The following SEMA3E variants were observed in gnomAD, a reference collection of about 807,000 sequenced individuals.
SEMA3E encodes semaphorin-3E.
A neutral mutation model predicts 93.6 loss-of-function variants in SEMA3E; 49 were observed. The ratio of observed to expected loss-of-function variants is 0.52; its 90% CI spans 0.42 to 0.66. SEMA3E has a LOEUF of 0.66. Among genes scored for constraint, SEMA3E ranks in the 30% least tolerant of loss-of-function variants. The pLI is 0.00. For missense variants in SEMA3E, 906 were observed against 964.8 expected (o/e 0.94, Z 0.81); for synonymous variants, 363 against 330.7 (o/e 1.10, Z -1.06).
intron 4 of SEMA3E, among the ~76,000 whole-genome samples, chr7:83,453,090 C>T (rs1192264673): frequency 6.6e-6 from 1 of 152,098 alleles, no homozygotes; most frequent in Non-Finnish European, 1.5e-5. Flanking sequence ...TGCAGTGGCG[C>T]AATCTCGGCT....
intron 10 of SEMA3E, among the ~76,000 whole-genome samples, chr7:83,400,948 T>C (rs201186258): frequency 2.0e-3 from 310 of 152,228 alleles, no homozygotes; most frequent in African/African-American, 7.1e-3. Flanking sequence ...TATGATAATA[T>C]GATCAGTGAT....
At chr7:83,469,362 A>T (rs1276868022) in intron 2 of SEMA3E, 60 bp from the exon 3 acceptor site, 1 of 1,213,482 alleles carries the variant, frequency 8.2e-7, no homozygotes, top group African/African-American at 1.5e-5. Context: ...CCACACTGAA[A>T]ACCATTTCAC....
intron 14 of SEMA3E, 113 bp from the exon 15 acceptor site, chr7:83,387,163 A>G (rs184784601): frequency 2.4e-6 from 2 of 849,348 alleles, no homozygotes; most frequent in Admixed American, 4.4e-5. Flanking sequence ...AAAAATGATC[A>G]TTCATATGAA....
At chr7:83,613,032 A>AT (rs1793297266) in intron 1 of SEMA3E, among the ~76,000 whole-genome samples, 1 of 152,098 alleles carries the variant, frequency 6.6e-6, no homozygotes, top group Admixed American at 6.6e-5. Context: ...AATAATTTAA[A>AT]TTTTTTAGCT....
At chr7:83,634,266 G>A (rs1433889679) in intron 1 of SEMA3E, among the ~76,000 whole-genome samples, 1 of 152,122 alleles carries the variant, frequency 6.6e-6, no homozygotes, top group African/African-American at 2.4e-5. Context: ...CATCTAACGT[G>A]TTTCTGAGTG....
chr7:83,574,719 G>A (rs1181784528), intron 1 of SEMA3E, among the ~76,000 whole-genome samples: 1 of 152,086 alleles, frequency 6.6e-6, no homozygotes, highest in Admixed American at 6.6e-5. Flanking sequence ...CTAATCTGAG[G>A]GAGAATGAGG....
At chr7:83,631,351 A>G (rs937940226) in intron 1 of SEMA3E, among the ~76,000 whole-genome samples, 19 of 152,320 alleles carry the variant, frequency 1.2e-4, no homozygotes, top group African/African-American at 4.3e-4. Context: ...AGAAAAGCAT[A>G]CATTTTATAT....
rs560249274 is a variant in SEMA3E at position 83,633,578 on chromosome 7, A to G, written c.115+14850T>C. Among the ~76,000 whole-genome samples, 4 of 152,286 alleles carry G rather than the reference A, an allele frequency of 2.6e-5. No individual in the cohort carries two copies. The South Asian group carries it at 8.3e-4, about 32-fold the overall frequency. On this transcript the variant is annotated intron_variant, in intron 1 of 16. Coordinates refer to ENST00000643230, the MANE Select transcript of SEMA3E (RefSeq NM_012431.3). ...TATATGTTTTTTTAAACTTCAGCAGAAGGAAAGATTATAAAATTAAATGGA... is the reference window on the plus strand; with the variant it reads ...TATATGTTTTTTTAAACTTCAGCAGGAGGAAAGATTATAAAATTAAATGGA...
intron 1 of SEMA3E, among the ~76,000 whole-genome samples, chr7:83,630,266 C>T (rs1235284890): frequency 6.6e-6 from 1 of 152,112 alleles, no homozygotes; most frequent in Non-Finnish European, 1.5e-5. Flanking sequence ...TGTTTCATTT[C>T]TTAAAGAAAA....
chr7:83,430,772 C>T (rs1011564685), intron 4 of SEMA3E, among the ~76,000 whole-genome samples: 1 of 152,120 alleles, frequency 6.6e-6, no homozygotes, highest in Non-Finnish European at 1.5e-5. Flanking sequence ...TGAAGCAAAC[C>T]ACCATGGCAC....
At chr7:83,581,385 T>C (rs930818127) in intron 1 of SEMA3E, among the ~76,000 whole-genome samples, 4 of 152,048 alleles carry the variant, frequency 2.6e-5, no homozygotes, top group Non-Finnish European at 5.9e-5. Context: ...TTTAAACTTC[T>C]GTGTTGCAAG....
chr7:83,430,286 G>A (rs1407105506), intron 4 of SEMA3E, among the ~76,000 whole-genome samples: 1 of 151,972 alleles, frequency 6.6e-6, no homozygotes, highest in Non-Finnish European at 1.5e-5. Context: ...TCAACATGGT[G>A]AAAACCTGTC....
intron 1 of SEMA3E, among the ~76,000 whole-genome samples, chr7:83,499,195 A>G (rs1790549241): frequency 6.6e-6 from 1 of 152,176 alleles, no homozygotes; most frequent in Non-Finnish European, 1.5e-5. Context: ...ATGTATATAT[A>G]TGAATATATG....
At chr7:83,501,805 T>G (rs1025798534) in intron 1 of SEMA3E, among the ~76,000 whole-genome samples, 1 of 152,228 alleles carries the variant, frequency 6.6e-6, no homozygotes, top group African/African-American at 2.4e-5. Flanking sequence ...TATAACATGT[T>G]TTCTCTAGTT....
intron 4 of SEMA3E, among the ~76,000 whole-genome samples, chr7:83,458,480 A>G (rs1469034511): frequency 6.6e-6 from 1 of 152,128 alleles, no homozygotes; most frequent in Non-Finnish European, 1.5e-5. Context: ...AAGCAGAAAA[A>G]TGAGTGGTGA....
chr7:83,486,561 T>A (rs996293532), intron 2 of SEMA3E, among the ~76,000 whole-genome samples: 3 of 152,126 alleles, frequency 2.0e-5, no homozygotes, highest in Non-Finnish European at 4.4e-5. Context: ...TTAAGCTCAC[T>A]CTTTTAAGCA....
intron 16 of SEMA3E, 67 bp downstream of exon 16, chr7:83,385,227 A>G: frequency 1.9e-6 from 3 of 1,555,650 alleles, no homozygotes; most frequent in South Asian, 2.3e-5. Context: ...ATCCAAATAA[A>G]TCATCTATTT....
chr7:83,576,703 G>A (rs1002691372), intron 1 of SEMA3E, among the ~76,000 whole-genome samples: 2 of 152,080 alleles, frequency 1.3e-5, no homozygotes, highest in African/African-American at 4.8e-5. Flanking sequence ...TTGGCTCACT[G>A]CAACCCCCAC....
intron 10 of SEMA3E, among the ~76,000 whole-genome samples, chr7:83,400,946 T>C (rs961680957): frequency 1.3e-5 from 2 of 152,088 alleles, no homozygotes; most frequent in African/African-American, 4.8e-5. Context: ...TCTATGATAA[T>C]ATGATCAGTG....
Sources: gnomAD v4.1 joint callset for allele counts (sites outside exome capture counted in the v4.1 genomes callset) on GRCh38, gnomAD v4.1.1 for gene constraint, MANE v1.5 for transcripts, NCBI Gene and HGNC (gene_info 2026-07-23, HGNC 2026-07-21) for gene names.